The following CCDC141 variants were observed in gnomAD, a reference collection of about 807,000 sequenced individuals.
CCDC141 encodes coiled-coil domain containing 141.
A neutral mutation model predicts 181.0 loss-of-function variants in CCDC141; 168 were observed. That is an observed-to-expected ratio of 0.93 (90% CI 0.82 to 1.05). CCDC141 has a LOEUF of 1.05. Among genes scored for constraint, CCDC141 ranks in the 50% least tolerant of loss-of-function variants. The pLI, the probability that CCDC141 is intolerant of heterozygous loss-of-function variation, is 0.00. For synonymous variants in CCDC141, 666 were observed against 642.3 expected (o/e 1.04, Z -0.56); for missense variants, 1,902 against 1,788.5 (o/e 1.06, Z -1.14).
chr2:178,907,044 G>C (rs1688004022), intron 7 of CCDC141, among the ~76,000 whole-genome samples: 1 of 152,166 alleles, frequency 6.6e-6, no homozygotes, highest in Non-Finnish European at 1.5e-5. Flanking sequence ...CTGCAATTCT[G>C]TTTATTTAGA....
chr2:179,027,312 G>C (rs1212636053), intron 2 of CCDC141, among the ~76,000 whole-genome samples: 1 of 152,140 alleles, frequency 6.6e-6, no homozygotes, highest in Non-Finnish European at 1.5e-5. Flanking sequence ...CTGTTCTCAT[G>C]ATAGTGAATG....
downstream of CCDC141, among the ~76,000 whole-genome samples, chr2:178,829,531 T>C (rs575898132): frequency 6.6e-6 from 1 of 152,354 alleles, no homozygotes; most frequent in East Asian, 1.9e-4. Flanking sequence ...ATCACAGCTG[T>C]GTGCTTCCTG....
At position 178,834,033 on chromosome 2, in the gene CCDC141, G is replaced by A. The variant is rs781039401; in HGVS notation, c.*140C>T. ...GAAAATTTGATTATTTCACCTAGCA[G>A]TGGTATTAGCCAAACAAGTATGGTG... On this transcript the variant is annotated 3_prime_UTR_variant, in exon 24 of 24. Coordinates refer to ENST00000443758, the MANE Select transcript of CCDC141 (RefSeq NM_173648.4). 6.2e-6 allele frequency: 5 copies of A among 804,692 alleles called. No individual in the cohort carries two copies. The highest frequency in any genetic ancestry group is 5.2e-5 in the African/African-American group (3 of 57,526). 49.8% of individuals were successfully genotyped at this position (804,692 alleles called of 1,614,324 possible). A position where few individuals can be genotyped will look rare whatever the true frequency, so the allele number is the denominator to read the frequency against.
chr2:178,825,864 C>A (rs1355488667), downstream of CCDC141, among the ~76,000 whole-genome samples: 1 of 152,018 alleles, frequency 6.6e-6, no homozygotes, highest in Non-Finnish European at 1.5e-5. Context: ...CTGATTAGTT[C>A]CAAGAGTTTT....
chr2:178,961,508 AG>A, intron 4 of CCDC141, 25 bp from the exon 5 acceptor site: 1 of 1,520,960 alleles, frequency 6.6e-7, no homozygotes, highest in Non-Finnish European at 8.9e-7. Context: ...GAAAGAAAAA[AG>A]AATAATGATA....
At chr2:179,046,057 C>A (rs1165806574) in intron 2 of CCDC141, among the ~76,000 whole-genome samples, 3 of 152,192 alleles carry the variant, frequency 2.0e-5, no homozygotes, top group African/African-American at 7.2e-5. Context: ...CAGATCAAAT[C>A]TGCTTCTAAA....
chr2:179,023,658 A>T (rs1289138609), intron 2 of CCDC141, among the ~76,000 whole-genome samples: 1 of 152,206 alleles, frequency 6.6e-6, no homozygotes, highest in Non-Finnish European at 1.5e-5. Context: ...AAAAGAACTT[A>T]ATGTGCACCA....
rs970377729 is a variant in CCDC141, at chr2:179,008,820, T to C, written c.226-30145A>G. ...ATGTCCCTCTTCACTGTTGTTCTTT[T>C]AACTTTAGATGTTCTCTCTATAAAG... On this transcript the variant is annotated intron_variant, in intron 2 of 23. Coordinates refer to ENST00000443758, the MANE Select transcript of CCDC141 (RefSeq NM_173648.4). Among the ~76,000 whole-genome samples the C allele has an allele frequency of 5.3e-5, 8 of 152,196 alleles. No homozygotes were observed. The East Asian group carries it at 1.5e-3, about 29-fold the overall frequency.
rs760885419 is a variant in CCDC141, at chr2:178,834,340, C to T, written c.4426G>A (p.Ala1476Thr). The T allele has an allele frequency of 3.5e-5, 53 of 1,535,978 alleles. No individual in the cohort carries two copies. The highest frequency in any genetic ancestry group is 5.5e-5 in the African/African-American group (4 of 73,004). Residue 1476 changes from alanine (A) to threonine (T), a missense_variant, in exon 24 of 24, where the codon GCA (alanine) becomes ACA (threonine). Coordinates refer to ENST00000443758, the MANE Select transcript of CCDC141 (RefSeq NM_173648.4). ...TGGGCCCGAGCCACATAGAGGCCTG[C>T]GTCTGCCTTGCATACCTTTGGAATG... ...VFIPKVCKAD[A>T]GLYVARAQNS... is the part of the protein sequence containing the mutation.
chr2:178,913,738 T>C (rs1453167348), intron 7 of CCDC141, among the ~76,000 whole-genome samples: 1 of 152,244 alleles, frequency 6.6e-6, no homozygotes, highest in Non-Finnish European at 1.5e-5. Flanking sequence ...TGTGTGTTTC[T>C]TTGGCCACCC....
At chr2:179,014,303 G>A (rs1034402876) in intron 2 of CCDC141, among the ~76,000 whole-genome samples, 1 of 152,236 alleles carries the variant, frequency 6.6e-6, no homozygotes, top group East Asian at 1.9e-4. Context: ...CCTAAGGTCT[G>A]AAACTATAAA....
At chr2:178,856,544 C>T (rs1575135186) in intron 17 of CCDC141, 147 bp from the exon 18 acceptor site, 1 of 502,806 alleles carries the variant, frequency 2.0e-6, no homozygotes, top group Non-Finnish European at 3.4e-6. Flanking sequence ...CTCCCTCTCT[C>T]TTTCTTTCTT....
At chr2:179,011,414 A>C (rs555314380) in intron 2 of CCDC141, among the ~76,000 whole-genome samples, 1 of 152,290 alleles carries the variant, frequency 6.6e-6, no homozygotes, top group African/African-American at 2.4e-5. Flanking sequence ...TGTCCAACAG[A>C]AAAATATCAC....
At chr2:178,820,536 G>A in the CCDC141 span, among the ~76,000 whole-genome samples, 5 of 152,046 alleles carry the variant, frequency 3.3e-5, no homozygotes, top group Non-Finnish European at 7.4e-5. Context: ...TTTTTATTGA[G>A]GCTCAAGCTT....
chr2:179,007,429 A>T (rs2042148322), intron 2 of CCDC141, among the ~76,000 whole-genome samples: 1 of 152,164 alleles, frequency 6.6e-6, no homozygotes, highest in African/African-American at 2.4e-5. Context: ...GTTTATCAAA[A>T]GTATTGCATC....
chr2:178,866,811 C>T (rs1317907662), intron 16 of CCDC141, among the ~76,000 whole-genome samples: 2 of 152,052 alleles, frequency 1.3e-5, no homozygotes, highest in Non-Finnish European at 2.9e-5. Flanking sequence ...CTGCAACCTC[C>T]GCCTCCTGGG....
chr2:179,000,055 TACACACAC>T (rs67309651), intron 2 of CCDC141, among the ~76,000 whole-genome samples: 69,852 of 144,156 alleles, frequency 0.48, 17,550 homozygotes, highest in East Asian at 0.62. Context: ...TTCATCACCA[TACACACAC>T]ACACACACAC....
chr2:178,857,926 G>A (rs1179823357), intron 17 of CCDC141, among the ~76,000 whole-genome samples: 1 of 152,156 alleles, frequency 6.6e-6, no homozygotes, highest in African/African-American at 2.4e-5. Flanking sequence ...TCTGCAGACT[G>A]TGAAAATAAA....
At chr2:178,820,169 C>T in the CCDC141 span, among the ~76,000 whole-genome samples, 2 of 152,284 alleles carry the variant, frequency 1.3e-5, no homozygotes, top group Non-Finnish European at 2.9e-5. Context: ...TGCTGCTCTG[C>T]CCTCTGGCTC....
Sources: gnomAD v4.1 joint callset for allele counts (sites outside exome capture counted in the v4.1 genomes callset) on GRCh38, gnomAD v4.1.1 for gene constraint, MANE v1.5 for transcripts, NCBI Gene and HGNC (gene_info 2026-07-23, HGNC 2026-07-21) for gene names.